CPNE4: variants seen among roughly 807,000 people sequenced by gnomAD.
CPNE4 encodes copine 4, also known as copine-4.
CPNE4 carries 25 observed loss-of-function variants against 67.9 expected under a neutral mutation model. That is an observed-to-expected ratio of 0.37 (90% CI 0.27 to 0.51). The LOEUF (loss-of-function observed/expected upper bound fraction) is 0.51, where lower values mean the gene tolerates loss of function less well. Ranked by LOEUF, CPNE4 falls within the 20% of genes least tolerant of loss-of-function variation. The pLI is 0.93. For synonymous variants in CPNE4, 242 were observed against 244.9 expected, an observed-to-expected ratio of 0.99 and a Z score of 0.11; for missense variants, 464 against 690.8, an observed-to-expected ratio of 0.67 and a Z score of 3.68.
intron 2 of CPNE4, among the ~76,000 whole-genome samples, chr3:131,763,403 T>C (rs1213759880): frequency 6.6e-6 from 1 of 152,136 alleles, no homozygotes; most frequent in East Asian, 1.9e-4. Context: ...AAATCTTCCA[T>C]GTGTTTCTGG....
Position 131,587,574 on chromosome 3 carries a change from T to C in CPNE4, c.690A>G (p.Val230=). 1.2e-6 allele frequency: 2 copies of C among 1,608,468 alleles called. No individual in the cohort carries two copies. Among genetic ancestry groups the C allele is most frequent in the Non-Finnish European group, 1.7e-6 (2 of 1,175,016 alleles). ...GCTTGCCATTGGAGTCCCAGTCCCA[T>C]ACTATGCACTGTAAGAGAAAACAAT... ...GDPDRRLKCI[V]WDWDSNGKHD... Residue 230 remains valine, a synonymous_variant, in exon 8 of 16, where the codon GTA becomes GTG. Coordinates refer to ENST00000429747, the MANE Select transcript of CPNE4 (RefSeq NM_130808.3).
intron 1 of CPNE4, among the ~76,000 whole-genome samples, chr3:131,970,473 G>A (rs2072472624): frequency 6.6e-6 from 1 of 152,104 alleles, no homozygotes; most frequent in African/African-American, 2.4e-5. Context: ...TTAGAAATTG[G>A]TCTAATCCCA....
intron 2 of CPNE4, among the ~76,000 whole-genome samples, chr3:131,805,973 G>T (rs1052041363): frequency 1.3e-5 from 2 of 152,232 alleles, no homozygotes. Context: ...TCTTCCAGAT[G>T]TACATATAAA....
intron 1 of CPNE4, among the ~76,000 whole-genome samples, chr3:132,007,535 G>A (rs930463110): frequency 2.0e-5 from 3 of 152,120 alleles, no homozygotes; most frequent in Non-Finnish European, 2.9e-5. Context: ...GTTGCTGCAC[G>A]TGTAAGTTGC....
rs547837988 is a variant in CPNE4 at position 131,863,905 on chromosome 3, G to C, written c.180+41359C>G. ...GTATAAGGTGTAAGGAAGGGATCCA[G>C]TTTCAGCTTTCTACATATAGCTAGC... On this transcript the variant is annotated intron_variant, in intron 2 of 15. Coordinates refer to ENST00000429747, the MANE Select transcript of CPNE4 (RefSeq NM_130808.3). Among the ~76,000 whole-genome samples, 44 of 152,312 alleles carry C rather than the reference G, an allele frequency of 2.9e-4. 1 individual carries two copies. In the South Asian group the frequency reaches 8.7e-3, roughly 30 times the overall value.
chr3:131,838,357 T>G (rs989641536), intron 2 of CPNE4, among the ~76,000 whole-genome samples: 4 of 151,786 alleles, frequency 2.6e-5, no homozygotes, highest in Non-Finnish European at 4.4e-5. Flanking sequence ...GAAGCACTAG[T>G]CTTATTAGAG....
intron 2 of CPNE4, among the ~76,000 whole-genome samples, chr3:131,884,274 T>A (rs1002562322): frequency 8.5e-5 from 13 of 152,224 alleles, no homozygotes; most frequent in Non-Finnish European, 1.8e-4. Flanking sequence ...TCACGGTTCA[T>A]CTACAGGATG....
intron 2 of CPNE4, among the ~76,000 whole-genome samples, chr3:131,893,137 A>G (rs568388542): frequency 1.8e-4 from 28 of 152,082 alleles, no homozygotes; most frequent in African/African-American, 6.8e-4. Flanking sequence ...GAAGGGATGA[A>G]AAAAGATATT....
chr3:131,629,741 G>A (rs2079171429), intron 7 of CPNE4, among the ~76,000 whole-genome samples: 1 of 152,096 alleles, frequency 6.6e-6, no homozygotes, highest in South Asian at 2.1e-4. Flanking sequence ...CACTGTGCCT[G>A]GTCAATAGTG....
chr3:132,031,531 C>A (rs1419596126), intron 1 of CPNE4, among the ~76,000 whole-genome samples: 1 of 152,158 alleles, frequency 6.6e-6, no homozygotes, highest in African/African-American at 2.4e-5. Context: ...ATCAGAGTAC[C>A]TGTCTCATTC....
At chr3:131,862,458 G>A (rs2086728957) in intron 2 of CPNE4, among the ~76,000 whole-genome samples, 1 of 152,030 alleles carries the variant, frequency 6.6e-6, no homozygotes, top group Non-Finnish European at 1.5e-5. Context: ...GTTCTTCAGT[G>A]GTTTCCTTAC....
chr3:131,675,562 AT>A (rs1195766221), intron 6 of CPNE4, among the ~76,000 whole-genome samples: 1 of 151,706 alleles, frequency 6.6e-6, no homozygotes, highest in Non-Finnish European at 1.5e-5. Flanking sequence ...TCATTATATA[AT>A]TTTTTTCTCT....
At chr3:131,955,546 G>A (rs866418328) in intron 1 of CPNE4, among the ~76,000 whole-genome samples, 15 of 150,034 alleles carry the variant, frequency 1.0e-4, no homozygotes, top group South Asian at 2.1e-4. Flanking sequence ...AACAGGGCTT[G>A]GGAAATGGCT....
chr3:131,676,032 T>TTATTATTATTAA (rs1332483268), intron 6 of CPNE4, among the ~76,000 whole-genome samples: 1 of 26,138 alleles, frequency 3.8e-5, no homozygotes, highest in East Asian at 9.8e-3. Context: ...TTATAACCTA[T>TTATTATTATTAA]TATTATTATT....
chr3:131,613,865 A>G (rs537338559), intron 7 of CPNE4, among the ~76,000 whole-genome samples: 2 of 152,300 alleles, frequency 1.3e-5, no homozygotes, highest in African/African-American at 4.8e-5. Context: ...GCCCTGAGTC[A>G]GGATTCTACA....
intron 1 of CPNE4, among the ~76,000 whole-genome samples, chr3:131,948,817 G>A (rs2071635860): frequency 6.6e-6 from 1 of 152,120 alleles, no homozygotes; most frequent in African/African-American, 2.4e-5. Context: ...CCAATCTGCT[G>A]ATATGCTTTA....
chr3:131,615,951 A>ACAC, intron 7 of CPNE4, among the ~76,000 whole-genome samples: 1 of 144,530 alleles, frequency 6.9e-6, no homozygotes, highest in African/African-American at 2.7e-5. Context: ...ACACACACAC[A>ACAC]AAAGAACATT....
intron 1 of CPNE4, among the ~76,000 whole-genome samples, chr3:131,919,714 A>G (rs547323343): frequency 5.3e-5 from 8 of 152,350 alleles, no homozygotes; most frequent in African/African-American, 1.9e-4. Flanking sequence ...AATAGGTGGC[A>G]GAAATAGCGT....
intron 13 of CPNE4, 103 bp downstream of exon 13, chr3:131,552,337 G>A (rs2270965): frequency 0.15 from 137,320 of 945,316 alleles, 10,869 homozygotes; most frequent in African/African-American, 0.26. Flanking sequence ...GAGATTCTGT[G>A]GACAATCGTA....
Sources: allele counts gnomAD v4.1 joint callset (sites outside exome capture counted in the v4.1 genomes callset), GRCh38; gene constraint gnomAD v4.1.1; transcripts MANE v1.5; gene names NCBI Gene and HGNC (gene_info 2026-07-23, HGNC 2026-07-21).